Variants in CRACD observed in about 807,000 individuals in gnomAD.
CRACD encodes the protein capping protein inhibiting regulator of actin dynamics.
In CRACD, 56 loss-of-function variants were observed where a neutral mutation model predicts 106.8. The observed-to-expected ratio is 0.52, with a 90% confidence interval of 0.42 to 0.66. The LOEUF is 0.66. Ranked by LOEUF, CRACD falls within the 30% of genes least tolerant of loss-of-function variation. The pLI, the probability that CRACD is intolerant of heterozygous loss-of-function variation, is 0.00. For synonymous variants in CRACD, 754 were observed against 670.8 expected (o/e 1.12, Z -1.92); for missense variants, 1,730 against 1,623.2 (o/e 1.07, Z -1.13).
intron 2 of CRACD, among the ~76,000 whole-genome samples, chr4:56,233,713 G>C (rs555757380): frequency 1.3e-5 from 2 of 152,268 alleles, no homozygotes; most frequent in East Asian, 1.9e-4. Context: ...ATGAATTTGA[G>C]AATCAGTCAA....
intron 1 of CRACD, among the ~76,000 whole-genome samples, chr4:56,082,215 A>G (rs1733057792): frequency 6.6e-6 from 1 of 152,198 alleles, no homozygotes; most frequent in African/African-American, 2.4e-5. Flanking sequence ...GGAACCAACC[A>G]TGCAGCAATC....
At chr4:56,299,157 G>A (rs4337783) in intron 4 of CRACD, among the ~76,000 whole-genome samples, 104,006 of 152,034 alleles carry the variant, frequency 0.68, 36,926 homozygotes, top group East Asian at 0.91. Flanking sequence ...TGTCTCAGAA[G>A]AAAATCACAA....
intron 1 of CRACD, among the ~76,000 whole-genome samples, chr4:56,054,077 G>A (rs145024451): frequency 0.023 from 3,567 of 152,254 alleles, 63 homozygotes; most frequent in Admixed American, 0.058. Flanking sequence ...GTGAGCATCA[G>A]GACATGGCCC....
intron 1 of CRACD, among the ~76,000 whole-genome samples, chr4:56,068,863 T>C (rs1438946321): frequency 6.6e-6 from 1 of 152,090 alleles, no homozygotes; most frequent in Non-Finnish European, 1.5e-5. Context: ...CATGTCCACT[T>C]GGAACTTTAG....
chr4:56,082,664 A>G (rs1446659955), intron 1 of CRACD, among the ~76,000 whole-genome samples: 1 of 152,152 alleles, frequency 6.6e-6, no homozygotes, highest in Non-Finnish European at 1.5e-5. Flanking sequence ...TGGGTAAATG[A>G]TGGTGAACTT....
chr4:56,298,991 C>T (rs542960561), intron 4 of CRACD, among the ~76,000 whole-genome samples: 1 of 152,292 alleles, frequency 6.6e-6, no homozygotes, highest in Admixed American at 6.5e-5. Context: ...GAGTTCCTAA[C>T]CGTTAAGCAT....
intron 1 of CRACD, among the ~76,000 whole-genome samples, chr4:56,072,827 T>G (rs1304270453): frequency 6.6e-6 from 1 of 152,108 alleles, no homozygotes; most frequent in East Asian, 1.9e-4. Flanking sequence ...CATTGTTCAA[T>G]TCCCATTTAT....
chr4:56,201,857 G>A (rs551691118), intron 2 of CRACD, among the ~76,000 whole-genome samples: 1 of 152,246 alleles, frequency 6.6e-6, no homozygotes, highest in South Asian at 2.1e-4. Context: ...CTTAATTGAG[G>A]AATACCACTC....
chr4:56,298,501 A>G, intron 4 of CRACD, 152 bp downstream of exon 4: 1 of 920,264 alleles, frequency 1.1e-6, no homozygotes, highest in Non-Finnish European at 1.6e-6. Context: ...ATTCAACTGT[A>G]TTCTCTGGAA....
At chr4:56,254,324 T>G (rs1256775909) in intron 2 of CRACD, among the ~76,000 whole-genome samples, 1 of 151,738 alleles carries the variant, frequency 6.6e-6, no homozygotes, top group Non-Finnish European at 1.5e-5. Flanking sequence ...GACAGGACTG[T>G]CCCACCCAGT....
At chr4:56,325,219 CACCTACTTGGGA>C (rs1475574001) in intron 10 of CRACD, among the ~76,000 whole-genome samples, 1 of 152,120 alleles carries the variant, frequency 6.6e-6, no homozygotes, top group Admixed American at 6.5e-5. Flanking sequence ...CCTGTAGTCC[CACCTACTTGGGA>C]GGCTGAGGTG....
At position 56,316,194 on chromosome 4, in the gene CRACD, G is replaced by A. The variant is rs755927469; in HGVS notation, c.2692G>A (p.Val898Met). Residue 898 changes from valine to methionine, a missense_variant, in exon 8 of 11, where the codon GTG (valine) becomes ATG (methionine). Around this residue, in one of 5 missense-constraint regions of CRACD, gnomAD observed 1,620 missense variants for 1,481.6 expected, o/e 1.09. Transcript: ENST00000682029. Reference protein sequence around the residue: ...SARGEKEMEGVALKHGPSLPQ... With the variant: ...SARGEKEMEGMALKHGPSLPQ... ...TCGTGGAGAGAAAGAGATGGAGGGT[G>A]TGGCCCTCAAGCATGGTCCATCCCT... 1.2e-6 allele frequency: 2 copies of A among 1,614,026 alleles called. No homozygotes were observed. The highest frequency in any genetic ancestry group is 1.7e-6 in the Non-Finnish European group (2 of 1,180,018).
At chr4:56,186,775 C>T (rs1240359327) in intron 2 of CRACD, among the ~76,000 whole-genome samples, 1 of 152,106 alleles carries the variant, frequency 6.6e-6, no homozygotes, top group Non-Finnish European at 1.5e-5. Context: ...TTCTAAAAGC[C>T]AGGGGGCCAG....
intron 1 of CRACD, among the ~76,000 whole-genome samples, chr4:56,070,890 T>TGTGTGTGTGTGTGTGTA (rs1553899918): frequency 6.6e-6 from 1 of 150,908 alleles, no homozygotes; most frequent in African/African-American, 2.4e-5. Context: ...TGTGTGTGTG[T>TGTGTGTGTGTGTGTGTA]CCACAGGCAG....
chr4:56,322,970 A>G, intron 8 of CRACD, among the ~76,000 whole-genome samples: 1 of 152,170 alleles, frequency 6.6e-6, no homozygotes, highest in Non-Finnish European at 1.5e-5. Flanking sequence ...CAGAGGTTGC[A>G]ATGTGCCGAG....
rs572504205 is a variant in CRACD at position 56,265,596 on chromosome 4, A to G, written c.-188-6725A>G. Among the ~76,000 whole-genome samples the G allele has an allele frequency of 2.6e-5, 4 of 152,326 alleles. 1 individual carries two copies. In the East Asian group the frequency reaches 5.8e-4, roughly 22 times the overall value. On this transcript the variant is annotated intron_variant, in intron 2 of 10. Coordinates refer to ENST00000682029, the MANE Select transcript of CRACD (RefSeq NM_001393381.1). ...CAAGGCATCTGAGGCTGAAATTCCA[A>G]ACAAGTTTAGGAAGCCCTGCATATC...
chr4:56,160,094 A>G (rs1290479991), intron 1 of CRACD, among the ~76,000 whole-genome samples: 2 of 151,322 alleles, frequency 1.3e-5, no homozygotes, highest in South Asian at 2.1e-4. Context: ...AATGACTTTC[A>G]TTGGAATTTT....
At chr4:56,243,656 G>A in intron 2 of CRACD, among the ~76,000 whole-genome samples, 1 of 152,006 alleles carries the variant, frequency 6.6e-6, no homozygotes, top group East Asian at 1.9e-4. Context: ...TGGATACATA[G>A]TAGGTGTATA....
At chr4:56,141,639 A>G (rs1234546388) in intron 1 of CRACD, among the ~76,000 whole-genome samples, 1 of 151,484 alleles carries the variant, frequency 6.6e-6, no homozygotes, top group East Asian at 1.9e-4. Context: ...GAGATGCTGA[A>G]TATCTCATAA....
Sources: gnomAD v4.1 joint callset for allele counts (sites outside exome capture counted in the v4.1 genomes callset) on GRCh38, gnomAD v4.1.1 for gene constraint, gnomAD v4.1.1 regional missense constraint, MANE v1.5 for transcripts, NCBI Gene and HGNC (gene_info 2026-07-23, HGNC 2026-07-21) for gene names.